The following HMCN1 variants were observed in gnomAD, a reference collection of about 807,000 sequenced individuals.
HMCN1 encodes hemicentin 1.
In HMCN1, 321 loss-of-function variants were observed where a neutral mutation model predicts 625.9. The ratio of observed to expected loss-of-function variants is 0.51; its 90% CI spans 0.47 to 0.56. HMCN1 has a LOEUF of 0.56. Among genes scored for constraint, HMCN1 ranks in the 20% least tolerant of loss-of-function variants. The pLI is 0.00. For synonymous variants in HMCN1, 2,425 were observed against 2,417.6 expected (o/e 1.00, Z -0.09); for missense variants, 6,588 against 6,887.3 (o/e 0.96, Z 1.54).
Position 185,748,828 on chromosome 1 carries a change from C to T in HMCN1, c.268+13781C>T, listed in dbSNP as rs377428602. Among the ~76,000 whole-genome samples the T allele has an allele frequency of 9.9e-5, 15 of 152,284 alleles. No homozygotes were observed. In the East Asian group the frequency reaches 2.5e-3, roughly 25 times the overall value. ...CCATGTAAAACATTTGGTGCAAAGC[C>T]TGACACAGAGCAAGGACCCAAGAGT... On this transcript the variant is annotated intron_variant, in intron 1 of 106. Transcript: ENST00000271588.
chr1:185,819,714 G>A (rs2102265492), intron 1 of HMCN1, among the ~76,000 whole-genome samples: 1 of 152,122 alleles, frequency 6.6e-6, no homozygotes, highest in South Asian at 2.1e-4. Context: ...AATAATTAGA[G>A]AAAGAAACAG....
intron 51 of HMCN1, 35 bp from the exon 52 acceptor site, chr1:186,070,577 C>A (rs763462294): frequency 1.3e-6 from 2 of 1,574,506 alleles, no homozygotes; most frequent in Non-Finnish European, 1.7e-6. Context: ...TTGAAAATAA[C>A]CAATGTCTAA....
At chr1:185,757,782 G>A (rs375801124) in intron 1 of HMCN1, among the ~76,000 whole-genome samples, 3 of 152,148 alleles carry the variant, frequency 2.0e-5, no homozygotes, top group African/African-American at 7.2e-5. Context: ...TGAATGAATA[G>A]TGTTTTCTTC....
At chr1:186,105,645 G>T (rs1251637171) in intron 69 of HMCN1, among the ~76,000 whole-genome samples, 2 of 152,130 alleles carry the variant, frequency 1.3e-5, no homozygotes, top group East Asian at 3.8e-4. Flanking sequence ...TTCCTCTAAA[G>T]ATACATGCTT....
intron 45 of HMCN1, among the ~76,000 whole-genome samples, chr1:186,055,988 G>T (rs574038242): frequency 6.6e-6 from 1 of 152,052 alleles, no homozygotes; most frequent in South Asian, 2.1e-4. Context: ...TTCCAAATTT[G>T]CTGACTTAAC....
intron 89 of HMCN1, among the ~76,000 whole-genome samples, chr1:186,140,582 A>G (rs1451708587): frequency 2.6e-5 from 4 of 152,054 alleles, no homozygotes; most frequent in Non-Finnish European, 4.4e-5. Flanking sequence ...TACTATTTTT[A>G]CTTCTATTAT....
chr1:185,791,232 C>T (rs959820776), intron 1 of HMCN1, among the ~76,000 whole-genome samples: 1 of 151,978 alleles, frequency 6.6e-6, no homozygotes, highest in African/African-American at 2.4e-5. Context: ...TTTGTTCATG[C>T]CTCTTACAGT....
At chr1:186,123,329 C>A in intron 81 of HMCN1, 109 bp downstream of exon 81, 1 of 1,324,788 alleles carries the variant, frequency 7.5e-7, no homozygotes, top group Non-Finnish European at 1.1e-6. Context: ...ACTCAGTAAT[C>A]CAAAGTGTGT....
intron 1 of HMCN1, among the ~76,000 whole-genome samples, chr1:185,786,611 T>G (rs1657586294): frequency 6.6e-6 from 1 of 152,212 alleles, no homozygotes; most frequent in African/African-American, 2.4e-5. Context: ...AAACCTTTAC[T>G]AGCTGCAAAT....
Position 185,995,005 on chromosome 1 carries a change from G to A in HMCN1, c.3696G>A (p.Thr1232=), listed in dbSNP as rs769661337. 2.7e-5 allele frequency: 43 copies of A among 1,613,632 alleles called. No homozygotes were observed. The Admixed American group carries it at 5.5e-4, about 21-fold the overall frequency. Residue 1232 remains threonine (T), a synonymous_variant, in exon 24 of 107, where the codon ACG becomes ACA. Coordinates refer to ENST00000271588, the MANE Select transcript of HMCN1 (RefSeq NM_031935.3). ...PDGTLSIDQA[T]PSDAGIYTCV... is the part of the protein sequence containing the mutation. ...GAACTTTAAGCATCGACCAAGCCAC[G>A]CCCTCAGATGCTGGCATATATACAT...
At position 186,033,767 on chromosome 1, in the gene HMCN1, C is replaced by G. The variant is rs368126182; in HGVS notation, c.5750-4167C>G. On this transcript the variant is annotated intron_variant, in intron 36 of 106. Transcript: ENST00000271588. ...TTATGCTTCTTTTTCTATGGATGAG[C>G]CATGCTATCTTGTTTCTTAGAATAT... 2.0e-5 allele frequency among the ~76,000 whole-genome samples: 3 copies of G among 152,062 alleles called. No homozygotes were observed. In the East Asian group the frequency reaches 5.8e-4, roughly 29 times the overall value.
At position 186,178,477 on chromosome 1, in the gene HMCN1, C is replaced by T. The variant is rs2102655055; in HGVS notation, c.16005C>T (p.Gly5335=). 1 of 1,614,100 alleles carries T rather than the reference C, an allele frequency of 6.2e-7. No homozygotes were observed. The highest frequency in any genetic ancestry group is 1.1e-5 in the South Asian group (1 of 91,076). ...PCAHQCSNTP[G]SFKCICPPGQ... ...CACATCAGTGCTCCAACACCCCCGG[C>T]AGCTTCAAGTGTATCTGTCCACCAG... The change falls in exon 104 of 107, where the codon GGC becomes GGT. Residue 5335 remains glycine, a synonymous_variant. Transcript: ENST00000271588.
At chr1:186,055,369 T>C (rs572555670) in intron 44 of HMCN1, 24 bp from the exon 45 acceptor site, 3 of 1,610,632 alleles carry the variant, frequency 1.9e-6, no homozygotes, top group African/African-American at 1.3e-5. Flanking sequence ...CTTTTGTTTC[T>C]TTTTATCTTC....
intron 1 of HMCN1, among the ~76,000 whole-genome samples, chr1:185,775,561 C>G (rs1656540640): frequency 6.6e-6 from 1 of 152,148 alleles, no homozygotes; most frequent in African/African-American, 2.4e-5. Context: ...AGGCTGGCTC[C>G]TATGGTTTGG....
rs142083261 is a variant in HMCN1 at position 185,892,174 on chromosome 1, G to A, written c.622-17163G>A. 5.1e-3 allele frequency among the ~76,000 whole-genome samples: 751 copies of A among 148,508 alleles called. 64 individuals are homozygous for A. Among genetic ancestry groups the A allele is most frequent in the African/African-American group, 0.019 (722 of 37,978 alleles). ...TTTTCAGCTCCATCAGCTCCTTTAA[G>A]CACCTCTCTGTATTGGTTATTCTAG... is the stretch of plus-strand genomic sequence containing the variant. On this transcript the variant is annotated intron_variant, in intron 4 of 106. Transcript: ENST00000271588.
chr1:185,919,675 G>A (rs1666904075), intron 6 of HMCN1, among the ~76,000 whole-genome samples: 1 of 152,114 alleles, frequency 6.6e-6, no homozygotes, highest in South Asian at 2.1e-4. Context: ...AATTCATTGA[G>A]ATCATCATGA....
chr1:185,880,056 A>G (rs1230149307), intron 4 of HMCN1, among the ~76,000 whole-genome samples: 1 of 152,214 alleles, frequency 6.6e-6, no homozygotes, highest in African/African-American at 2.4e-5. Context: ...CCTGGGTTCA[A>G]TCTCTAAGAT....
At chr1:185,857,161 A>G in intron 2 of HMCN1, among the ~76,000 whole-genome samples, 1 of 152,320 alleles carries the variant, frequency 6.6e-6, no homozygotes, top group Middle Eastern at 3.4e-3. Flanking sequence ...ACAGTTTTTT[A>G]AAAATATTTT....
At chr1:185,916,846 A>T (rs1666729401) in intron 6 of HMCN1, among the ~76,000 whole-genome samples, 1 of 152,166 alleles carries the variant, frequency 6.6e-6, no homozygotes, top group Non-Finnish European at 1.5e-5. Flanking sequence ...CAGGAACCCA[A>T]GCTGATGGAG....
Sources: allele counts gnomAD v4.1 joint callset (sites outside exome capture counted in the v4.1 genomes callset), GRCh38; gene constraint gnomAD v4.1.1; transcripts MANE v1.5; gene names NCBI Gene and HGNC (gene_info 2026-07-23, HGNC 2026-07-21).